Variants in SACM1L observed in about 807,000 individuals in gnomAD.
SACM1L encodes the protein SAC1 like phosphatidylinositide phosphatase.
In SACM1L, 32 loss-of-function variants were observed where a neutral mutation model predicts 89.5. That is an observed-to-expected ratio of 0.36 (90% CI 0.27 to 0.48). SACM1L has a LOEUF of 0.48. Ranked by LOEUF, SACM1L falls within the 20% of genes least tolerant of loss-of-function variation. SACM1L has a pLI of 0.99. For synonymous variants in SACM1L, 213 were observed against 232.8 expected, an observed-to-expected ratio of 0.92 and a Z score of 0.77; for missense variants, 543 against 708.5, an observed-to-expected ratio of 0.77 and a Z score of 2.65.
chr3:45,729,401 A>G (rs1339767005), intron 11 of SACM1L, among the ~76,000 whole-genome samples: 4 of 152,122 alleles, frequency 2.6e-5, no homozygotes, highest in Non-Finnish European at 4.4e-5. Flanking sequence ...AAATTTTTAT[A>G]TCTCTGTATA....
chr3:45,736,220 A>G (rs764511772), intron 14 of SACM1L, among the ~76,000 whole-genome samples: 3 of 152,138 alleles, frequency 2.0e-5, no homozygotes, highest in Non-Finnish European at 2.9e-5. Context: ...GATTGTTTCT[A>G]TTTATCTCTC....
chr3:45,724,112 C>G (rs1175425706), intron 11 of SACM1L, among the ~76,000 whole-genome samples: 2 of 151,786 alleles, frequency 1.3e-5, no homozygotes, highest in Non-Finnish European at 2.9e-5. Context: ...TGATTGAGTC[C>G]CTGTTTTCAG....
intron 14 of SACM1L, 50 bp downstream of exon 14, chr3:45,735,423 TA>T: frequency 3.4e-6 from 5 of 1,476,096 alleles, no homozygotes; most frequent in Non-Finnish European, 4.5e-6. Context: ...AGCAAAAAAT[TA>T]AACATCTTTA....
chr3:45,733,743 A>T (rs1321379029), intron 13 of SACM1L, among the ~76,000 whole-genome samples: 1 of 152,200 alleles, frequency 6.6e-6, no homozygotes, highest in African/African-American at 2.4e-5. Flanking sequence ...CTTTATGTGC[A>T]TTATGTGTTA....
At position 45,743,734 on chromosome 3, in the gene SACM1L, G is replaced by T; in HGVS notation, c.*65G>T. ...ATTGTGCAGAACTGGAGTCTTTACT[G>T]ACCCGCTTTCCACATCAGCCCAAGG... is the stretch of plus-strand genomic sequence containing the variant. On this transcript the variant is annotated 3_prime_UTR_variant, in exon 20 of 20. Transcript: ENST00000389061. The T allele has an allele frequency of 6.5e-7, 1 of 1,533,978 alleles. No homozygotes were observed. Among genetic ancestry groups the T allele is most frequent in the South Asian group, 1.3e-5 (1 of 77,942 alleles).
intron 18 of SACM1L, among the ~76,000 whole-genome samples, chr3:45,739,333 ATCC>A (rs1327712550): frequency 1.1e-4 from 16 of 152,282 alleles, no homozygotes; most frequent in Middle Eastern, 3.4e-3. Flanking sequence ...TCATCTGGGC[ATCC>A]TCCTTCCATT....
intron 7 of SACM1L, among the ~76,000 whole-genome samples, chr3:45,718,912 T>G (rs758009664): frequency 7.9e-5 from 12 of 152,164 alleles, no homozygotes; most frequent in Non-Finnish European, 1.5e-4. Flanking sequence ...GAAAGGCTTT[T>G]GGGGAGATAC....
chr3:45,704,342 G>A (rs1220625825), intron 2 of SACM1L, among the ~76,000 whole-genome samples: 1 of 152,184 alleles, frequency 6.6e-6, no homozygotes, highest in Non-Finnish European at 1.5e-5. Flanking sequence ...TATATTCCAT[G>A]AGATAATGGG....
chr3:45,705,895 A>T (rs374588981), intron 3 of SACM1L, among the ~76,000 whole-genome samples: 1 of 152,208 alleles, frequency 6.6e-6, no homozygotes. Context: ...AGCAAATGTT[A>T]CTTGGTTCTG....
intron 11 of SACM1L, among the ~76,000 whole-genome samples, chr3:45,727,699 C>T (rs1698954150): frequency 6.6e-6 from 1 of 152,166 alleles, no homozygotes; most frequent in South Asian, 2.1e-4. Flanking sequence ...TGGTTTGCAC[C>T]ATTCTCCTGC....
At chr3:45,719,120 T>C (rs1698731447) in intron 7 of SACM1L, among the ~76,000 whole-genome samples, 1 of 152,116 alleles carries the variant, frequency 6.6e-6, no homozygotes, top group African/African-American at 2.4e-5. Context: ...TAGCCTTCCC[T>C]CCCCATTTTG....
chr3:45,714,129 T>TGCC (rs761087165), intron 7 of SACM1L, 50 bp downstream of exon 7: 5 of 1,224,404 alleles, frequency 4.1e-6, no homozygotes, highest in Non-Finnish European at 5.7e-6. Context: ...TTTATTTAAA[T>TGCC]TTTATTATAA....
intron 14 of SACM1L, among the ~76,000 whole-genome samples, chr3:45,736,364 C>T (rs978521044): frequency 6.6e-6 from 1 of 151,988 alleles, no homozygotes; most frequent in Non-Finnish European, 1.5e-5. Context: ...AGATGTAGAG[C>T]CCCAATTTTT....
chr3:45,703,465 G>A lies in SACM1L; in HGVS notation c.60G>A (p.Val20=). The part of the protein sequence containing the change: ...KLHITPEKFY[V]EACDDGADDV... ...ATATCACACCTGAAAAATTTTATGT[G>A]GAAGCTTGTGATGATGGAGCAGATG... The change falls in exon 2 of 20, where the codon GTG becomes GTA. Residue 20 remains valine, a synonymous_variant. Coordinates refer to ENST00000389061, the MANE Select transcript of SACM1L (RefSeq NM_014016.5). The A allele has an allele frequency of 6.2e-7, 1 of 1,612,674 alleles. No individual in the cohort carries two copies. The highest frequency in any genetic ancestry group is 8.5e-7 in the Non-Finnish European group (1 of 1,178,984).
chr3:45,737,884 TCA>T (rs1241324243), intron 16 of SACM1L, 40 bp downstream of exon 16: 2 of 1,529,648 alleles, frequency 1.3e-6, no homozygotes, highest in African/African-American at 1.4e-5. Context: ...CATCAGTAGT[TCA>T]CAGTCCTGGT....
chr3:45,704,632 A>G (rs955117621), intron 2 of SACM1L, among the ~76,000 whole-genome samples: 4 of 152,134 alleles, frequency 2.6e-5, no homozygotes, highest in Admixed American at 2.6e-4. Context: ...ATGTGGGTGT[A>G]TTTTCAGTTA....
chr3:45,699,325 G>T (rs1457796963), intron 1 of SACM1L, among the ~76,000 whole-genome samples: 1 of 150,862 alleles, frequency 6.6e-6, no homozygotes, highest in South Asian at 2.1e-4. Context: ...AGCAGTAATG[G>T]TAAAAATAAA....
In SACM1L at chr3:45,721,983, A is replaced by T; in HGVS notation, c.680-17A>T. 6.4e-7 allele frequency: 1 copy of T among 1,566,664 alleles called. No individual in the cohort carries two copies. Among genetic ancestry groups the T allele is most frequent in the Non-Finnish European group, 8.8e-7 (1 of 1,139,176 alleles). ...GTGTAATCAGTATAGTTAATTCTTA[A>T]TTTTTTTTCTATTTAGGAATTGATT... On this transcript the variant is annotated splice_polypyrimidine_tract_variant and intron_variant, in intron 8 of 19. Transcript: ENST00000389061.
chr3:45,704,833 T>C (rs1698350054), intron 2 of SACM1L, among the ~76,000 whole-genome samples: 1 of 152,236 alleles, frequency 6.6e-6, no homozygotes, highest in South Asian at 2.1e-4. Context: ...TGACAGTTTC[T>C]TAGCCAGTTT....
Sources: gnomAD v4.1 joint callset for allele counts (sites outside exome capture counted in the v4.1 genomes callset) on GRCh38, gnomAD v4.1.1 for gene constraint, MANE v1.5 for transcripts, NCBI Gene and HGNC (gene_info 2026-07-23, HGNC 2026-07-21) for gene names.